Variants in CHADL observed in about 807,000 individuals in gnomAD.
The protein encoded by CHADL is chondroadherin like.
A neutral mutation model predicts 52.1 loss-of-function variants in CHADL; 48 were observed. The observed-to-expected ratio is 0.92, with a 90% CI of 0.73 to 1.17. The LOEUF (loss-of-function observed/expected upper bound fraction) is 1.17, where lower values mean the gene tolerates loss of function less well. Among genes scored for constraint, CHADL ranks in the 50% most tolerant of loss-of-function variants. The pLI is 0.00. For missense variants in CHADL, 977 were observed against 1,035.1 expected (o/e 0.94, Z 0.77); for synonymous variants, 498 against 511.2 (o/e 0.97, Z 0.35).
At chr22:41,233,726 C>A (rs1444104252) in intron 5 of CHADL, among the ~76,000 whole-genome samples, 2 of 152,142 alleles carry the variant, frequency 1.3e-5, no homozygotes, top group African/African-American at 4.8e-5. Flanking sequence ...CTGTTCTAAG[C>A]CACCCAGCTC....
At chr22:41,239,690 G>A (rs2145639740) in intron 1 of CHADL, 70 bp from the exon 2 acceptor site, 1 of 1,360,038 alleles carries the variant, frequency 7.4e-7, no homozygotes, top group East Asian at 2.7e-5. Flanking sequence ...CTTAGTCCCA[G>A]CCATGGTGCA....
chr22:41,240,742 C>T, intron 1 of CHADL, 132 bp downstream of exon 1: 3 of 1,080,770 alleles, frequency 2.8e-6, no homozygotes, highest in Non-Finnish European at 4.0e-6. Flanking sequence ...AGACCCCCTT[C>T]CTGGAGAACC....
In CHADL at chr22:41,238,663, G is replaced by C; in HGVS notation, c.409C>G (p.Arg137Gly). The C allele has an allele frequency of 6.5e-7, 1 of 1,544,700 alleles. No individual in the cohort carries two copies. Among genetic ancestry groups the C allele is most frequent in the South Asian group, 1.2e-5 (1 of 83,950 alleles). The change falls in exon 3 of 6, where the codon CGG becomes GGG. Residue 137 changes from arginine (R) to glycine (G), a missense_variant. Coordinates refer to ENST00000216241, the MANE Select transcript of CHADL (RefSeq NM_138481.2). The surrounding 1 kb of genome is among the most constrained non-coding windows in gnomAD (Gnocchi z 4.9). Reference protein sequence around the residue: ...QEALDGLGSLRRLELEGNALE... With the variant: ...QEALDGLGSLGRLELEGNALE... ...GCGTTCCCCTCCAGCTCCAGCCGCC[G>C]CAACGAGCCCAGCCCGTCCAGCGCC...
chr22:41,234,443 G>A (rs566836344), intron 5 of CHADL, among the ~76,000 whole-genome samples: 3 of 151,510 alleles, frequency 2.0e-5, no homozygotes, highest in East Asian at 1.9e-4. Context: ...GTGCAGTGGC[G>A]TGATCTCTGC....
rs541301657 is a variant in CHADL, at chr22:41,236,590, T to C, written c.1957A>G (p.Asn653Asp). Residue 653 changes from asparagine (N) to aspartate (D), a missense_variant, in exon 4 of 6, where the codon AAC becomes GAC. Coordinates refer to ENST00000216241, the MANE Select transcript of CHADL (RefSeq NM_138481.2). ...PGLQSLHLQK[N>D]QLRALPALPS... ...AGGGCAGGCAGGGCCCGAAGCTGGT[T>C]CTTCTGCAGGTGCAGGCTCTGGAGC... 109 of 1,551,004 alleles carry C rather than the reference T, an allele frequency of 7.0e-5. No individual in the cohort carries two copies. The Middle Eastern group carries it at 1.4e-3, about 19-fold the overall frequency.
In CHADL at chr22:41,237,419, G is replaced by A. The variant is rs920908485; in HGVS notation, c.1653C>T (p.Tyr551=). The change falls in exon 3 of 6, where the codon TAC becomes TAT. Residue 551 remains tyrosine (Y), a synonymous_variant. Transcript: ENST00000216241. The part of the protein sequence containing the change: ...LGRTRALRWV[Y]LSGNRITEVS... ...CTTCGGTGATGCGGTTTCCACTCAGGTAGACCCAGCGCAAGGCCCGTGTTC... is the reference window on the plus strand; with the variant it reads ...CTTCGGTGATGCGGTTTCCACTCAGATAGACCCAGCGCAAGGCCCGTGTTC... 25 of 1,550,572 alleles carry A rather than the reference G, an allele frequency of 1.6e-5. No individual in the cohort carries two copies. The highest frequency in any genetic ancestry group is 2.1e-5 in the Non-Finnish European group (24 of 1,146,962).
Position 41,238,967 on chromosome 22 carries a change from T to G in CHADL, c.187-82A>C. 1.4e-6 allele frequency: 2 copies of G among 1,435,460 alleles called. No individual in the cohort carries two copies. Among genetic ancestry groups the G allele is most frequent in the South Asian group, 2.9e-5 (2 of 70,092 alleles). The allele number at this position is 1,435,460 out of a possible 1,614,324, so 88.9% of individuals were successfully genotyped here. On this transcript the variant is annotated intron_variant, in intron 2 of 5. Coordinates refer to ENST00000216241, the MANE Select transcript of CHADL (RefSeq NM_138481.2). This position sits in a 1 kb window ranked among gnomAD's most constrained non-coding sequence, Gnocchi z 4.9. ...GTGCTGCTTCTTCCCCGGAACACTC[T>G]TTTCTCCTGTCACCTTTCCCATATT...
In CHADL at chr22:41,237,726, C is replaced by T. The variant is rs1425277982; in HGVS notation, c.1346G>A (p.Gly449Asp). The T allele has an allele frequency of 1.9e-6, 3 of 1,541,152 alleles. No homozygotes were observed. The highest frequency in any genetic ancestry group is 4.0e-5 in the Admixed American group (2 of 49,950). ...CTGCAGGTGCAGCGACACCAGGTGG[C>T]CCAGGCCGGGGAAGGCCGCTCGGGG... ...SVPRAAFPGL[G>D]HLVSLHLQHC... Residue 449 changes from glycine (G) to aspartate (D), a missense_variant, in exon 3 of 6, where the codon GGC becomes GAC. Physicochemically the swap from Gly to Asp is moderately conservative, Grantham distance 94. Transcript: ENST00000216241.
chr22:41,236,515 G>A lies in CHADL; in HGVS notation c.2032C>T (p.His678Tyr). The A allele has an allele frequency of 6.4e-7, 1 of 1,551,460 alleles. No homozygotes were observed. The change falls in exon 4 of 6, where the codon CAC (histidine) becomes TAC (tyrosine). Residue 678 changes from histidine (H) to tyrosine (Y), a missense_variant. Coordinates refer to ENST00000216241, the MANE Select transcript of CHADL (RefSeq NM_138481.2). ...ELIDLSSNPF[H>Y]CDCQLLPLHR... is the part of the protein sequence containing the mutation. ...AGCGGAAGCAGCTGGCAGTCACAGT[G>A]GAAGGGATTGCTGCTGAGGTCGATG...
At chr22:41,232,072 C>T (rs562353501) in intron 5 of CHADL, among the ~76,000 whole-genome samples, 38 of 152,180 alleles carry the variant, frequency 2.5e-4, no homozygotes, top group South Asian at 6.2e-4. Flanking sequence ...GTGGCTCACG[C>T]CTGTAATCCC....
chr22:41,239,470 G>A lies in CHADL; in HGVS notation c.159C>T (p.Leu53=). ...CAGGGATGGCGTCTGGCACCTCAGTGAGGTTCTGGTACCGGCAGGCAACGT... is the reference window on the plus strand; with the variant it reads ...CAGGGATGGCGTCTGGCACCTCAGTAAGGTTCTGGTACCGGCAGGCAACGT... ...RRHVACRYQN[L]TEVPDAIPEL... is the part of the protein sequence containing the mutation. Residue 53 remains leucine (L), a synonymous_variant, in exon 2 of 6, where the codon CTC becomes CTT. Coordinates refer to ENST00000216241, the MANE Select transcript of CHADL (RefSeq NM_138481.2). The A allele has an allele frequency of 2.6e-6, 4 of 1,551,032 alleles. No individual in the cohort carries two copies. The South Asian group carries it at 3.6e-5, about 14-fold the overall frequency.
intron 5 of CHADL, among the ~76,000 whole-genome samples, chr22:41,232,455 A>T (rs2032638109): frequency 6.6e-6 from 1 of 152,114 alleles, no homozygotes; most frequent in Non-Finnish European, 1.5e-5. Flanking sequence ...TGGGTGCCAG[A>T]CACCAAACTA....
chr22:41,239,666 C>T, intron 1 of CHADL, 46 bp from the exon 2 acceptor site: 2 of 1,440,820 alleles, frequency 1.4e-6, no homozygotes, highest in East Asian at 2.6e-5. Context: ...GCCGAGGCCA[C>T]ATGCTGTCCC....
rs2032799573 is a variant in CHADL, at chr22:41,238,575, G to C, written c.497C>G (p.Ala166Gly). Residue 166 changes from alanine (A) to glycine (G), a missense_variant, in exon 3 of 6, where the codon GCC becomes GGC. By Grantham distance (60) the Ala-to-Gly change is moderately conservative. Coordinates refer to ENST00000216241, the MANE Select transcript of CHADL (RefSeq NM_138481.2). This position sits in a 1 kb window ranked among gnomAD's most constrained non-coding sequence, Gnocchi z 4.9. ...ALGALATLNL[A>G]HNALVYLPAM... ...GGGCAGGTAAACCAGGGCGTTGTGG[G>C]CCAGGTTTAGCGTGGCCAGCGCACC... 1 of 1,546,092 alleles carries C rather than the reference G, an allele frequency of 6.5e-7. No individual in the cohort carries two copies. The highest frequency in any genetic ancestry group is 8.7e-7 in the Non-Finnish European group (1 of 1,146,442).
Position 41,239,131 on chromosome 22 carries a change from G to A in CHADL, c.187-246C>T, listed in dbSNP as rs528174594. 6.6e-5 allele frequency among the ~76,000 whole-genome samples: 10 copies of A among 152,262 alleles called. No individual in the cohort carries two copies. The East Asian group carries it at 1.9e-3, about 29-fold the overall frequency. The stretch of plus-strand genomic sequence containing the variant: ...TCCTCCACTAGCTGATGACTCTGCA[G>A]AGCAGAGACCACACCTCACCCTGCC... On this transcript the variant is annotated intron_variant, in intron 2 of 5. Transcript: ENST00000216241.
chr22:41,229,872 C>T (rs2032464694), intron 5 of CHADL, 142 bp from the exon 6 acceptor site: 4 of 776,836 alleles, frequency 5.1e-6, no homozygotes, highest in Non-Finnish European at 8.8e-6. Flanking sequence ...GCCCCGGCCC[C>T]TCCTCCTCCT....
intron 1 of CHADL, 81 bp downstream of exon 1, chr22:41,240,793 G>A: frequency 6.7e-7 from 1 of 1,490,158 alleles, no homozygotes; most frequent in East Asian, 2.5e-5. Flanking sequence ...GCCTCTGAGA[G>A]GCCCAGAGGG....
At chr22:41,236,702 C>A (rs1301055455) in intron 3 of CHADL, 52 bp from the exon 4 acceptor site, 3 of 1,486,910 alleles carry the variant, frequency 2.0e-6, no homozygotes, top group Non-Finnish European at 1.8e-6. Context: ...GCTGTCCCAC[C>A]CCCAAGTCTG....
Position 41,236,637 on chromosome 22 carries a change from G to T in CHADL, c.1910C>A (p.Ala637Asp). 2 of 1,549,154 alleles carry T rather than the reference G, an allele frequency of 1.3e-6. No homozygotes were observed. The highest frequency in any genetic ancestry group is 1.2e-5 in the South Asian group (1 of 83,992). ...SSGLEQICPG[A>D]FSGLGPGLQS... ...GAGCCCGGGCCCCAGGCCTGAAAAG[G>T]CCCCAGGACAAATCTGCAAGGAGTT... Residue 637 changes from alanine (A) to aspartate (D), a missense_variant, in exon 4 of 6, where the codon GCC (alanine) becomes GAC (aspartate). Transcript: ENST00000216241.
Sources: allele counts gnomAD v4.1 joint callset (sites outside exome capture counted in the v4.1 genomes callset), GRCh38; gene constraint gnomAD v4.1.1; non-coding constraint Gnocchi (gnomAD v3.1); transcripts MANE v1.5; gene names NCBI Gene and HGNC (gene_info 2026-07-23, HGNC 2026-07-21).